The following PCDHGA1 variants were observed in gnomAD, a reference collection of about 807,000 sequenced individuals.
The protein encoded by PCDHGA1 is protocadherin gamma-A1.
In PCDHGA1, 32 loss-of-function variants were observed where a neutral mutation model predicts 58.0. The observed-to-expected ratio is 0.55, with a 90% CI of 0.42 to 0.74. The LOEUF (loss-of-function observed/expected upper bound fraction) is 0.74, where lower values mean the gene tolerates loss of function less well. Ranked by LOEUF, PCDHGA1 falls within the 30% of genes least tolerant of loss-of-function variation. The pLI, the probability that PCDHGA1 is intolerant of heterozygous loss-of-function variation, is 0.00. For synonymous variants in PCDHGA1, 498 were observed against 501.1 expected (o/e 0.99, Z 0.08); for missense variants, 1,205 against 1,182.3 (o/e 1.02, Z -0.28).
intron 1 of PCDHGA1, chr5:141,365,061 C>T (rs1220470558): frequency 8.1e-6 from 13 of 1,613,766 alleles, no homozygotes; most frequent in Non-Finnish European, 1.1e-5. Context: ...CTGTTCACCC[C>T]ATCCGAGTAC....
chr5:141,332,128 A>G lies in PCDHGA1; in HGVS notation c.1444A>G (p.Asn482Asp), dbSNP rs775335181. 1 of 1,614,146 alleles carries G rather than the reference A, an allele frequency of 6.2e-7. No individual in the cohort carries two copies. The highest frequency in any genetic ancestry group is 8.5e-7 in the Non-Finnish European group (1 of 1,180,036). Residue 482 changes from asparagine to aspartate, a missense_variant, in exon 1 of 4, where the codon AAT becomes GAT. Coordinates refer to ENST00000517417, the MANE Select transcript of PCDHGA1 (RefSeq NM_018912.3). The surrounding 1 kb of genome is among the most constrained non-coding windows in gnomAD (Gnocchi z 4.6). Reference protein sequence around the residue: ...FSVRAHDLDSNENAQITYSLI... With the variant: ...FSVRAHDLDSDENAQITYSLI... ...TGTGAGGGCCCACGACTTGGACAGC[A>G]ATGAGAATGCACAAATCACTTACTC...
chr5:141,383,031 T>C (rs778307271), intron 1 of PCDHGA1: 2 of 1,613,670 alleles, frequency 1.2e-6, no homozygotes, highest in African/African-American at 2.7e-5. Flanking sequence ...AAGGGTCCTT[T>C]GTGGGAGACA....
intron 1 of PCDHGA1, chr5:141,418,301 C>T: frequency 6.2e-7 from 1 of 1,613,980 alleles, no homozygotes; most frequent in South Asian, 1.1e-5. Context: ...ATCCGTCAGC[C>T]TGGGGATGGG....
chr5:141,350,903 G>A, intron 1 of PCDHGA1: 1 of 1,614,070 alleles, frequency 6.2e-7, no homozygotes, highest in Non-Finnish European at 8.5e-7. Context: ...CATGGATGGC[G>A]GGGACCCGCC....
chr5:141,331,189 A>G lies in PCDHGA1; in HGVS notation c.505A>G (p.Ser169Gly), dbSNP rs1349436643. The G allele has an allele frequency of 6.2e-7, 1 of 1,614,006 alleles. No individual in the cohort carries two copies. Among genetic ancestry groups the G allele is most frequent in the East Asian group, 2.2e-5 (1 of 44,892 alleles). ...DLDVGMNSLQ[S>G]YQLSSNPHFS... is the part of the protein sequence containing the mutation. ...TGATGTGGGTATGAACTCACTCCAG[A>G]GCTACCAACTCAGCTCTAACCCTCA... The change falls in exon 1 of 4, where the codon AGC becomes GGC. Residue 169 changes from serine to glycine, a missense_variant. Physicochemically the swap from Ser to Gly is moderately conservative, Grantham distance 56. Coordinates refer to ENST00000517417, the MANE Select transcript of PCDHGA1 (RefSeq NM_018912.3).
intron 3 of PCDHGA1, among the ~76,000 whole-genome samples, chr5:141,506,904 C>T (rs55892286): frequency 0.2 from 30,589 of 152,050 alleles, 3,131 homozygotes; most frequent in Middle Eastern, 0.24. Flanking sequence ...ACTGTCATCA[C>T]ACCTGGGCAC....
At chr5:141,370,138 G>C in intron 1 of PCDHGA1, 1 of 413,176 alleles carries the variant, frequency 2.4e-6, no homozygotes, top group Non-Finnish European at 4.3e-6. Flanking sequence ...AGCTGATTTA[G>C]TCACCATTAC....
At chr5:141,420,546 G>A in intron 1 of PCDHGA1, 1 of 284,254 alleles carries the variant, frequency 3.5e-6, no homozygotes, top group South Asian at 1.2e-4. Context: ...ATAAAATACA[G>A]GTATATTTTT....
intron 1 of PCDHGA1, chr5:141,421,835 G>T: frequency 6.2e-7 from 1 of 1,613,746 alleles, no homozygotes. Flanking sequence ...AGCCTGGACC[G>T]AGAGAAAGAG....
At position 141,331,820 on chromosome 5, in the gene PCDHGA1, A is replaced by G. The variant is rs1202655988; in HGVS notation, c.1136A>G (p.Asn379Ser). The G allele has an allele frequency of 2.5e-6, 4 of 1,614,050 alleles. No individual in the cohort carries two copies. The African/African-American group carries it at 5.3e-5, about 22-fold the overall frequency. ...ISVHDQDSGDNGYTTCFIPGN... is the reference protein window; with the variant it reads ...ISVHDQDSGDSGYTTCFIPGN... ...GTGCATGACCAGGACTCAGGAGACA[A>G]TGGCTACACCACATGTTTCATTCCT... Residue 379 changes from asparagine to serine, a missense_variant, in exon 1 of 4, where the codon AAT (asparagine) becomes AGT (serine). By Grantham distance (46) the Asn-to-Ser change is conservative (BLOSUM62 1). Coordinates refer to ENST00000517417, the MANE Select transcript of PCDHGA1 (RefSeq NM_018912.3).
chr5:141,364,628 C>T (rs1484570270), intron 1 of PCDHGA1: 17 of 1,613,958 alleles, frequency 1.1e-5, no homozygotes, highest in Non-Finnish European at 1.1e-5. Flanking sequence ...CGCTCAGAGC[C>T]CACTGTGTGT....
chr5:141,360,481 A>G, intron 1 of PCDHGA1: 1 of 1,613,874 alleles, frequency 6.2e-7, no homozygotes. Flanking sequence ...TCCACTAAAT[A>G]TTTTCTACAT....
At position 141,433,290 on chromosome 5, in the gene PCDHGA1, C is replaced by T. The variant is rs186668064; in HGVS notation, c.2422-61517C>T. ...CTCACTGCAGCCTCAAACTCCTAGG[C>T]TCAAGCAATTATCCCACCTTTGCCT... On this transcript the variant is annotated intron_variant, in intron 1 of 3. Transcript: ENST00000517417. The T allele has an allele frequency of 1.6e-3, 1,738 of 1,107,746 alleles. 60 individuals carry two copies. In the Admixed American group the frequency reaches 0.041, roughly 26 times the overall value. 68.6% of individuals were successfully genotyped at this position (1,107,746 alleles called of 1,614,324 possible). A position where few individuals can be genotyped will look rare whatever the true frequency, so the allele number is the denominator to read the frequency against.
At chr5:141,412,932 T>C (rs2095590399) in intron 1 of PCDHGA1, 3 of 453,328 alleles carry the variant, frequency 6.6e-6, no homozygotes, top group South Asian at 1.0e-4. Flanking sequence ...AGTAACTTCT[T>C]AGGACTCTGA....
At chr5:141,386,498 A>G (rs961063181) in intron 1 of PCDHGA1, among the ~76,000 whole-genome samples, 2 of 135,914 alleles carry the variant, frequency 1.5e-5, no homozygotes, top group African/African-American at 5.6e-5. Context: ...TAATATAACA[A>G]GACTCTGTCT....
At chr5:141,348,095 G>A (rs1225557154) in intron 1 of PCDHGA1, among the ~76,000 whole-genome samples, 1 of 152,176 alleles carries the variant, frequency 6.6e-6, no homozygotes, top group African/African-American at 2.4e-5. Context: ...GAAATTGTTG[G>A]CTTATTCTGC....
intron 1 of PCDHGA1, among the ~76,000 whole-genome samples, chr5:141,444,977 T>A (rs2098452876): frequency 1.3e-5 from 2 of 152,200 alleles, no homozygotes; most frequent in South Asian, 4.1e-4. Flanking sequence ...TTCAAATCCA[T>A]GAACATGGTA....
Position 141,480,177 on chromosome 5 carries a change from G to T in PCDHGA1, c.2422-14630G>T, listed in dbSNP as rs570721769. 4.6e-5 allele frequency among the ~76,000 whole-genome samples: 7 copies of T among 152,066 alleles called. No homozygotes were observed. In the South Asian group the frequency reaches 6.3e-4, roughly 14 times the overall value. ...CTAGCATTTTGGGAGGCTGAGGCAGGCGGATTGCTTGAGGCCAGCAGTTCA... is the reference window on the plus strand; with the variant it reads ...CTAGCATTTTGGGAGGCTGAGGCAGTCGGATTGCTTGAGGCCAGCAGTTCA... On this transcript the variant is annotated intron_variant, in intron 1 of 3. Coordinates refer to ENST00000517417, the MANE Select transcript of PCDHGA1 (RefSeq NM_018912.3).
At position 141,360,454 on chromosome 5, in the gene PCDHGA1, G is replaced by A. The variant is rs150944400; in HGVS notation, c.2421+27349G>A. On this transcript the variant is annotated intron_variant, in intron 1 of 3. Coordinates refer to ENST00000517417, the MANE Select transcript of PCDHGA1 (RefSeq NM_018912.3). ...GCAGCCTCTGTGTGTTCTGGATTTCGATACTGTCGCTGAAAATCCACTAAA... is the reference window on the plus strand; with the variant it reads ...GCAGCCTCTGTGTGTTCTGGATTTCAATACTGTCGCTGAAAATCCACTAAA... The A allele has an allele frequency of 5.0e-4, 804 of 1,613,904 alleles. 3 individuals carry two copies. The African/African-American group carries it at 8.7e-3, about 18-fold the overall frequency.
Sources: gnomAD v4.1 joint callset for allele counts (sites outside exome capture counted in the v4.1 genomes callset) on GRCh38, gnomAD v4.1.1 for gene constraint, Gnocchi (gnomAD v3.1) non-coding constraint, MANE v1.5 for transcripts, NCBI Gene and HGNC (gene_info 2026-07-23, HGNC 2026-07-21) for gene names.